The following RARS2 variants were observed in gnomAD, a reference collection of about 807,000 sequenced individuals.
The protein encoded by RARS2 is arginyl-tRNA synthetase 2, mitochondrial.
Under a neutral mutation model 88.5 loss-of-function variants are expected in RARS2, and 67 were observed. That is an observed-to-expected ratio of 0.76 (90% confidence interval 0.62 to 0.93). The LOEUF (loss-of-function observed/expected upper bound fraction) is 0.93. Ranked by LOEUF, RARS2 falls within the 40% of genes least tolerant of loss-of-function variation. The pLI, the probability that RARS2 is intolerant of heterozygous loss-of-function variation, is 0.00. For missense variants in RARS2, 664 were observed against 684.2 expected (o/e 0.97, Z 0.33); for synonymous variants, 239 against 230.3 (o/e 1.04, Z -0.34).
chr6:87,549,020 C>T (rs1164253242), intron 5 of RARS2, among the ~76,000 whole-genome samples: 1 of 151,974 alleles, frequency 6.6e-6, no homozygotes, highest in Non-Finnish European at 1.5e-5. Flanking sequence ...TTGAGACTAG[C>T]CTGGGCAACA....
At chr6:87,582,539 G>A (rs771408920) in intron 1 of RARS2, among the ~76,000 whole-genome samples, 6 of 152,160 alleles carry the variant, frequency 3.9e-5, no homozygotes, top group Non-Finnish European at 8.8e-5. Context: ...TTGCCTGTTT[G>A]CTCTGATGAT....
chr6:87,541,723 C>T (rs1465628136), intron 8 of RARS2, among the ~76,000 whole-genome samples, 195 bp downstream of exon 8: 1 of 152,096 alleles, frequency 6.6e-6, no homozygotes, highest in African/African-American at 2.4e-5. Context: ...ACTTGGGAGG[C>T]TGAGGCATGA....
intron 5 of RARS2, among the ~76,000 whole-genome samples, chr6:87,551,481 C>T (rs1272477247): frequency 6.6e-6 from 1 of 151,544 alleles, no homozygotes; most frequent in East Asian, 1.9e-4. Context: ...GAAAAATTAG[C>T]TGGGCGTGGT....
chr6:87,584,088 A>G (rs1158413887), intron 1 of RARS2, among the ~76,000 whole-genome samples: 1 of 152,188 alleles, frequency 6.6e-6, no homozygotes, highest in Non-Finnish European at 1.5e-5. Context: ...ATGGTTCCTC[A>G]CTCCAGAGCA....
At chr6:87,584,848 G>GCCCT in intron 1 of RARS2, 7 of 324,380 alleles carry the variant, frequency 2.2e-5, no homozygotes, top group Non-Finnish European at 3.6e-5. Flanking sequence ...CCATAGAGAA[G>GCCCT]GGGTAACCAT....
At chr6:87,560,626 C>T (rs566835425) in intron 4 of RARS2, among the ~76,000 whole-genome samples, 6 of 152,236 alleles carry the variant, frequency 3.9e-5, no homozygotes, top group East Asian at 1.9e-4. Context: ...TGGCAGGGCA[C>T]GGTGGCTCAC....
At chr6:87,558,190 A>T (rs1027037490) in intron 4 of RARS2, among the ~76,000 whole-genome samples, 3 of 152,126 alleles carry the variant, frequency 2.0e-5, no homozygotes, top group Non-Finnish European at 4.4e-5. Context: ...AGAAAAAAAA[A>T]AAAAAGACTT....
rs760844669 is a variant in RARS2 at position 87,518,241 on chromosome 6, C to G, written c.1439G>C (p.Gly480Ala). ...LHSLEETFGC[G>A]YLNDFNTACL... ...AGCAGTGTTGAAGTCATTCAGGTAC[C>G]CACATCCAAAAGTCTCTTCCAAACT... is the stretch of plus-strand genomic sequence containing the variant. The change falls in exon 17 of 20, where the codon GGG (glycine) becomes GCG (alanine). Residue 480 changes from glycine (G) to alanine (A), a missense_variant. By Grantham distance (60) the Gly-to-Ala change is moderately conservative. Transcript: ENST00000369536. 1 of 1,614,062 alleles carries G rather than the reference C, an allele frequency of 6.2e-7. No individual in the cohort carries two copies. The highest frequency in any genetic ancestry group is 1.1e-5 in the South Asian group (1 of 91,072).
intron 8 of RARS2, among the ~76,000 whole-genome samples, chr6:87,541,597 G>A (rs113693586): frequency 0.41 from 62,929 of 152,022 alleles, 13,128 homozygotes; most frequent in Admixed American, 0.48. Context: ...GCCAAGGTGG[G>A]TGGATTACCT....
At chr6:87,543,812 T>C (rs1401445067) in intron 7 of RARS2, among the ~76,000 whole-genome samples, 1 of 152,172 alleles carries the variant, frequency 6.6e-6, no homozygotes, top group Non-Finnish European at 1.5e-5. Flanking sequence ...GAAGGATGAC[T>C]GAAGCTCTAT....
chr6:87,576,278 T>C (rs985410731), intron 1 of RARS2, among the ~76,000 whole-genome samples: 1 of 94,316 alleles, frequency 1.1e-5, no homozygotes, highest in South Asian at 3.8e-4. Flanking sequence ...AAATTTCTTT[T>C]TTTTTTTTTT....
At chr6:87,546,554 C>A (rs1782681549) in intron 6 of RARS2, among the ~76,000 whole-genome samples, 1 of 152,072 alleles carries the variant, frequency 6.6e-6, no homozygotes, top group Admixed American at 6.6e-5. Flanking sequence ...ATTTTCTTGA[C>A]CATGGCAGTG....
Position 87,519,608 on chromosome 6 carries a change from C to T in RARS2, c.1212G>A (p.Met404Ile). ...TCTTAATTGAAGCCATGTTCTGTAGCATCCTTAATTGAATCTCATTTAAAA... is the reference window on the plus strand; with the variant it reads ...TCTTAATTGAAGCCATGTTCTGTAGTATCCTTAATTGAATCTCATTTAAAA... ...EDVLNEIQLR[M>I]LQNMASIKTT... The change falls in exon 14 of 20, where the codon ATG becomes ATA. Residue 404 changes from methionine to isoleucine, a missense_variant. Met to Ile is a conservative substitution (Grantham distance 10). Coordinates refer to ENST00000369536, the MANE Select transcript of RARS2 (RefSeq NM_020320.5). The T allele has an allele frequency of 6.2e-7, 1 of 1,612,782 alleles. No homozygotes were observed. The highest frequency in any genetic ancestry group is 8.5e-7 in the Non-Finnish European group (1 of 1,178,826).
At chr6:87,548,552 A>C in intron 6 of RARS2, 39 bp downstream of exon 6, 1 of 1,582,066 alleles carries the variant, frequency 6.3e-7, no homozygotes, top group Non-Finnish European at 8.7e-7. Flanking sequence ...TACTTCCTCA[A>C]AGGAACGTTT....
intron 9 of RARS2, among the ~76,000 whole-genome samples, chr6:87,529,939 T>C (rs1041810918): frequency 7.9e-5 from 12 of 152,038 alleles, no homozygotes; most frequent in Admixed American, 3.3e-4. Context: ...AACCTCCTAA[T>C]AGTTTCCACT....
Position 87,520,168 on chromosome 6 carries a change from T to C in RARS2, c.1112+12A>G. 2 of 1,606,524 alleles carry C rather than the reference T, an allele frequency of 1.2e-6. No homozygotes were observed. Among genetic ancestry groups the C allele is most frequent in the Non-Finnish European group, 1.7e-6 (2 of 1,173,208 alleles). On this transcript the variant is annotated intron_variant, in intron 13 of 19. Transcript: ENST00000369536. ...ACCCTGCACAGACAATTAAGAACCA[T>C]GCAGACATTACCTTTCTGCCCAGTC...
chr6:87,523,717 C>T (rs1774737723), intron 11 of RARS2, among the ~76,000 whole-genome samples: 1 of 152,218 alleles, frequency 6.6e-6, no homozygotes. Context: ...AGACACTAAC[C>T]AGACCCGGAT....
At chr6:87,521,601 T>C (rs1344451477) in intron 11 of RARS2, 77 bp from the exon 12 acceptor site, 1 of 1,107,360 alleles carries the variant, frequency 9.0e-7, no homozygotes, top group Admixed American at 1.7e-5. Context: ...TTAATAGCAA[T>C]GAGCATTTTC....
At chr6:87,551,922 A>G (rs1784452725) in intron 5 of RARS2, among the ~76,000 whole-genome samples, 1 of 152,210 alleles carries the variant, frequency 6.6e-6, no homozygotes, top group South Asian at 2.1e-4. Flanking sequence ...GAGGCTGACT[A>G]GAGAGAGATT....
Sources: gnomAD v4.1 joint callset for allele counts (sites outside exome capture counted in the v4.1 genomes callset) on GRCh38, gnomAD v4.1.1 for gene constraint, MANE v1.5 for transcripts, NCBI Gene and HGNC (gene_info 2026-07-23, HGNC 2026-07-21) for gene names.